SHISA9: variants seen among roughly 807,000 people sequenced by gnomAD.
The protein encoded by SHISA9 is protein shisa-9.
Under a neutral mutation model 38.0 loss-of-function variants are expected in SHISA9, and 13 were observed. The ratio of observed to expected loss-of-function variants is 0.34; its 90% CI spans 0.22 to 0.54. The LOEUF is 0.54. Ranked by LOEUF, SHISA9 falls within the 20% of genes least tolerant of loss-of-function variation. SHISA9 has a pLI of 0.91. For synonymous variants in SHISA9, 275 were observed against 242.0 expected, an observed-to-expected ratio of 1.14 and a Z score of -1.27; for missense variants, 538 against 575.8, an observed-to-expected ratio of 0.93 and a Z score of 0.67.
the SHISA9 span, among the ~76,000 whole-genome samples, chr16:13,349,322 C>A: frequency 6.6e-6 from 1 of 152,220 alleles, no homozygotes; most frequent in Non-Finnish European, 1.5e-5. Flanking sequence ...CTCATAGAGG[C>A]AGCTCTGGGT....
the SHISA9 span, among the ~76,000 whole-genome samples, chr16:13,513,977 C>T: frequency 2.3e-4 from 35 of 151,372 alleles, no homozygotes; most frequent in African/African-American, 8.0e-4. Context: ...ACATACATAC[C>T]AGAATGTAAA....
chr16:13,441,692 G>A, the SHISA9 span, among the ~76,000 whole-genome samples: 2 of 152,146 alleles, frequency 1.3e-5, no homozygotes, highest in Admixed American at 1.3e-4. Flanking sequence ...CTGTATGTAA[G>A]TCTTCAATGA....
chr16:13,489,353 C>T, the SHISA9 span, among the ~76,000 whole-genome samples: 9 of 152,106 alleles, frequency 5.9e-5, no homozygotes, highest in Non-Finnish European at 1.3e-4. Context: ...CCCTGCCTAA[C>T]GATGCATTCT....
chr16:13,552,733 T>G, the SHISA9 span, among the ~76,000 whole-genome samples: 2 of 152,032 alleles, frequency 1.3e-5, no homozygotes, highest in Non-Finnish European at 2.9e-5. Flanking sequence ...TAAAGCCTTA[T>G]TTTTAAACAG....
chr16:13,509,580 T>C, the SHISA9 span, among the ~76,000 whole-genome samples: 2 of 152,214 alleles, frequency 1.3e-5, no homozygotes, highest in African/African-American at 4.8e-5. Flanking sequence ...ATCTTGAAAG[T>C]TTCTTTCATT....
chr16:13,153,940 G>A (rs1271216411), intron 2 of SHISA9, among the ~76,000 whole-genome samples: 1 of 140,188 alleles, frequency 7.1e-6, no homozygotes, highest in East Asian at 2.5e-4. Context: ...AGAGGCAACA[G>A]ATCTGAGGGC....
At chr16:13,345,941 TG>T in the SHISA9 span, among the ~76,000 whole-genome samples, 1 of 141,990 alleles carries the variant, frequency 7.0e-6, no homozygotes, top group Non-Finnish European at 1.5e-5. Context: ...CAATTCTTTA[TG>T]GGGTTGTTTT....
At chr16:13,148,472 T>C (rs974367364) in intron 2 of SHISA9, among the ~76,000 whole-genome samples, 3 of 151,902 alleles carry the variant, frequency 2.0e-5, no homozygotes, top group Non-Finnish European at 2.9e-5. Flanking sequence ...AAAACATATA[T>C]ACCTCACACT....
intron 2 of SHISA9, among the ~76,000 whole-genome samples, chr16:13,143,385 T>A (rs2050419653): frequency 6.6e-6 from 1 of 152,178 alleles, no homozygotes; most frequent in Non-Finnish European, 1.5e-5. Context: ...AGGATGAATA[T>A]ATCCCCGTAC....
At chr16:13,082,469 C>A (rs1009906938) in intron 2 of SHISA9, 1 of 152,240 alleles carries the variant, frequency 6.6e-6, no homozygotes, top group South Asian at 2.1e-4. Context: ...TGCACAATTT[C>A]CACCTTCAGC....
the SHISA9 span, among the ~76,000 whole-genome samples, chr16:13,440,485 A>G: frequency 3.9e-4 from 59 of 152,342 alleles, no homozygotes; most frequent in African/African-American, 1.4e-3. Context: ...TTTAAAACAG[A>G]GCAGAGACAT....
chr16:13,560,970 T>C, the SHISA9 span, among the ~76,000 whole-genome samples: 1 of 152,092 alleles, frequency 6.6e-6, no homozygotes, highest in African/African-American at 2.4e-5. Flanking sequence ...TTCAAGCGAT[T>C]CTCCTGCCTC....
the SHISA9 span, among the ~76,000 whole-genome samples, chr16:13,472,153 G>A: frequency 2.6e-5 from 4 of 152,174 alleles, no homozygotes; most frequent in East Asian, 7.7e-4. Flanking sequence ...ACATATACTT[G>A]CTGGCCCACA....
At chr16:13,352,412 G>C in the SHISA9 span, among the ~76,000 whole-genome samples, 1 of 152,118 alleles carries the variant, frequency 6.6e-6, no homozygotes, top group Non-Finnish European at 1.5e-5. Flanking sequence ...AAAATTTCTG[G>C]GGTGAGCAAA....
At chr16:13,315,168 C>T in the SHISA9 span, among the ~76,000 whole-genome samples, 1 of 152,138 alleles carries the variant, frequency 6.6e-6, no homozygotes. Context: ...TATTGTGTAC[C>T]TTGGGGGAAA....
chr16:13,281,356 A>G, the SHISA9 span, among the ~76,000 whole-genome samples: 41 of 151,868 alleles, frequency 2.7e-4, no homozygotes, highest in Non-Finnish European at 5.2e-4. Flanking sequence ...TACTGTTTGC[A>G]TAGTATATCT....
intron 4 of SHISA9, among the ~76,000 whole-genome samples, chr16:13,214,854 A>T (rs1318228100): frequency 6.6e-6 from 1 of 152,112 alleles, no homozygotes; most frequent in Non-Finnish European, 1.5e-5. Flanking sequence ...ATCATCTCCC[A>T]CCGGGTTCCT....
At chr16:13,552,629 G>A in the SHISA9 span, among the ~76,000 whole-genome samples, 3 of 152,300 alleles carry the variant, frequency 2.0e-5, no homozygotes, top group East Asian at 1.9e-4. Flanking sequence ...AGGTCACAAC[G>A]GATGACGCTG....
At chr16:13,485,797 C>G in the SHISA9 span, among the ~76,000 whole-genome samples, 2 of 152,170 alleles carry the variant, frequency 1.3e-5, no homozygotes, top group African/African-American at 2.4e-5. Flanking sequence ...TCCACACTGC[C>G]TTTTCTTCCC....
Sources: gnomAD v4.1 joint callset for allele counts (sites outside exome capture counted in the v4.1 genomes callset) on GRCh38, gnomAD v4.1.1 for gene constraint, MANE v1.5 for transcripts, NCBI Gene and HGNC (gene_info 2026-07-23, HGNC 2026-07-21) for gene names.